Variants in PCDH15 observed in about 807,000 individuals in gnomAD.
PCDH15 encodes protocadherin related 15.
Under a neutral mutation model 178.5 loss-of-function variants are expected in PCDH15, and 129 were observed. The observed-to-expected ratio is 0.72, with a 90% CI of 0.63 to 0.84. The LOEUF (loss-of-function observed/expected upper bound fraction) is 0.84. Ranked by LOEUF, PCDH15 falls within the 40% of genes least tolerant of loss-of-function variation. The pLI, the probability that PCDH15 is intolerant of heterozygous loss-of-function variation, is 0.00. For missense variants in PCDH15, 2,230 were observed against 2,099.9 expected (o/e 1.06, Z -1.21); for synonymous variants, 800 against 732.0 (o/e 1.09, Z -1.50).
chr10:55,061,523 C>T (rs1172180544), intron 2 of PCDH15, among the ~76,000 whole-genome samples: 2 of 152,098 alleles, frequency 1.3e-5, no homozygotes, highest in Non-Finnish European at 2.9e-5. Context: ...CAGCCTTCAC[C>T]GTATGATCTA....
chr10:54,077,498 T>C (rs892821194), intron 17 of PCDH15, among the ~76,000 whole-genome samples: 6 of 152,222 alleles, frequency 3.9e-5, no homozygotes, highest in Non-Finnish European at 5.9e-5. Flanking sequence ...TTCTGATTTA[T>C]AATGTGGCAT....
At chr10:55,171,116 A>C (rs1252759231) in intron 1 of PCDH15, among the ~76,000 whole-genome samples, 1 of 152,114 alleles carries the variant, frequency 6.6e-6, no homozygotes, top group Non-Finnish European at 1.5e-5. Context: ...TTTTTATTCA[A>C]CCTATGGAAT....
chr10:54,450,604 A>G (rs2136284848), intron 3 of PCDH15, among the ~76,000 whole-genome samples: 1 of 151,876 alleles, frequency 6.6e-6, no homozygotes, highest in South Asian at 2.1e-4. Context: ...AGGCAAATAT[A>G]AATAATCATG....
At chr10:54,439,454 G>C (rs1340861249) in intron 3 of PCDH15, among the ~76,000 whole-genome samples, 1 of 152,052 alleles carries the variant, frequency 6.6e-6, no homozygotes, top group African/African-American at 2.4e-5. Flanking sequence ...TACGGAAAGA[G>C]TTTTCTTATG....
At chr10:54,655,198 A>G (rs2094351973) in intron 2 of PCDH15, among the ~76,000 whole-genome samples, 1 of 149,542 alleles carries the variant, frequency 6.7e-6, no homozygotes, top group African/African-American at 2.5e-5. Flanking sequence ...GCACAGAGCG[A>G]GACTCCGTCA....
At chr10:55,261,041 A>C (rs1390835727) in intron 1 of PCDH15, among the ~76,000 whole-genome samples, 1 of 152,196 alleles carries the variant, frequency 6.6e-6, no homozygotes, top group Non-Finnish European at 1.5e-5. Flanking sequence ...CCAACACTAA[A>C]AATGAAATTT....
chr10:55,005,088 G>A (rs1158973366), intron 2 of PCDH15, among the ~76,000 whole-genome samples: 4 of 151,850 alleles, frequency 2.6e-5, no homozygotes, highest in African/African-American at 7.3e-5. Context: ...AATAATGAAT[G>A]GAGCGAGGGG....
intron 20 of PCDH15, among the ~76,000 whole-genome samples, chr10:54,006,077 G>A (rs1286559171): frequency 1.3e-5 from 2 of 152,146 alleles, no homozygotes; most frequent in African/African-American, 4.8e-5. Context: ...ACCAGTGGGT[G>A]ATATTTATGG....
intron 1 of PCDH15, among the ~76,000 whole-genome samples, chr10:55,294,170 C>T (rs1416097269): frequency 1.3e-5 from 2 of 152,080 alleles, no homozygotes; most frequent in Admixed American, 1.3e-4. Context: ...ATAAAACCAC[C>T]AGATATCATG....
intron 13 of PCDH15, among the ~76,000 whole-genome samples, chr10:54,168,017 C>T (rs1339513961): frequency 3.3e-5 from 5 of 150,722 alleles, no homozygotes; most frequent in Non-Finnish European, 2.9e-5. Context: ...TATAGGCAAC[C>T]TTCCACCCTC....
chr10:54,310,239 C>A (rs1038583848), intron 8 of PCDH15, among the ~76,000 whole-genome samples: 9 of 151,958 alleles, frequency 5.9e-5, no homozygotes, highest in Non-Finnish European at 1.3e-4. Flanking sequence ...AAACACTGAA[C>A]CTTTTTAAAC....
At chr10:55,284,960 G>C (rs115582152) in intron 1 of PCDH15, among the ~76,000 whole-genome samples, 4,541 of 151,534 alleles carry the variant, frequency 0.03, 87 homozygotes, top group Non-Finnish European at 0.047. Flanking sequence ...AACAACAAAG[G>C]GATTCTGGTT....
intron 3 of PCDH15, among the ~76,000 whole-genome samples, chr10:54,384,347 CTTCAT>C (rs1452990055): frequency 6.7e-6 from 1 of 148,284 alleles, no homozygotes; most frequent in Non-Finnish European, 1.5e-5. Flanking sequence ...TTAACTAAAA[CTTCAT>C]TTCAACTTGT....
At chr10:55,124,800 C>A (rs1251572054) in intron 2 of PCDH15, among the ~76,000 whole-genome samples, 1 of 151,966 alleles carries the variant, frequency 6.6e-6, no homozygotes, top group Non-Finnish European at 1.5e-5. Context: ...ATTTTATGTA[C>A]CCTTGGATAG....
In PCDH15 at chr10:54,961,377, G is replaced by A. The variant is rs533614578; in HGVS notation, c.-79-63877C>T. The stretch of plus-strand genomic sequence containing the variant: ...GGAACCCCTCCACATGAACATCCTG[G>A]GTGCTATGGATGGCATGTTGATGGT... On this transcript the variant is annotated intron_variant, in intron 2 of 5. Coordinates refer to the PCDH15 transcript ENST00000458638. Among the ~76,000 whole-genome samples, 5 of 152,310 alleles carry A rather than the reference G, an allele frequency of 3.3e-5. No individual in the cohort carries two copies. In the South Asian group the frequency reaches 8.3e-4, roughly 25 times the overall value.
intron 13 of PCDH15, among the ~76,000 whole-genome samples, chr10:54,166,927 C>T (rs901415189): frequency 2.6e-5 from 4 of 152,192 alleles, no homozygotes; most frequent in Non-Finnish European, 5.9e-5. Flanking sequence ...CCTTGCGAAC[C>T]CCACTCCTGC....
intron 35 of PCDH15, 80 bp from the exon 36 acceptor site, chr10:53,811,699 A>G: frequency 1.3e-6 from 1 of 793,100 alleles, no homozygotes; most frequent in Non-Finnish European, 1.9e-6. Flanking sequence ...CTACACCTAG[A>G]ATTCCATGAT....
At chr10:54,934,891 A>T (rs1427224836) in intron 2 of PCDH15, among the ~76,000 whole-genome samples, 4 of 152,188 alleles carry the variant, frequency 2.6e-5, no homozygotes, top group Non-Finnish European at 4.4e-5. Flanking sequence ...ATGGAATACT[A>T]TGCAGCCATA....
chr10:54,410,772 T>C (rs1036976486), intron 3 of PCDH15, among the ~76,000 whole-genome samples: 3 of 152,130 alleles, frequency 2.0e-5, no homozygotes, highest in Non-Finnish European at 4.4e-5. Context: ...CAAGTTAGGC[T>C]AAAATGTAAA....
Sources: gnomAD v4.1 joint callset for allele counts (sites outside exome capture counted in the v4.1 genomes callset) on GRCh38, gnomAD v4.1.1 for gene constraint, MANE v1.5 for transcripts, NCBI Gene and HGNC (gene_info 2026-07-23, HGNC 2026-07-21) for gene names.